Variants in MKNK2 observed in about 807,000 individuals in gnomAD.
The protein encoded by MKNK2 is MAPK interacting serine/threonine kinase 2.
MKNK2 carries 54 observed loss-of-function variants against 55.0 expected under a neutral mutation model. The observed-to-expected ratio is 0.98, with a 90% CI of 0.79 to 1.23. The LOEUF (loss-of-function observed/expected upper bound fraction) is 1.23. Among genes scored for constraint, MKNK2 ranks in the 50% most tolerant of loss-of-function variants. The pLI is 0.00. For missense variants in MKNK2, 685 were observed against 632.1 expected (o/e 1.08, Z -0.90); for synonymous variants, 323 against 256.0 (o/e 1.26, Z -2.50).
rs2016876212 is a variant in MKNK2, at chr19:2,041,287, CAACCAGGCCCTA to C, written c.946-95_946-84del. The C allele has an allele frequency of 9.5e-6, 14 of 1,467,832 alleles. No homozygotes were observed. The South Asian group carries it at 1.0e-4, about 11-fold the overall frequency. 90.9% of individuals were successfully genotyped at this position (1,467,832 alleles called of 1,614,324 possible). A position where few individuals can be genotyped will look rare whatever the true frequency, so the allele number is the denominator to read the frequency against. ...CTGACACGTGGCTCCAACCGGACCC[CAACCAGGCCCTA>C]GACCAGGCCCTAGACCACGCACGCC... On this transcript the variant is annotated intron_variant, in intron 11 of 13. Coordinates refer to ENST00000250896, the MANE Select transcript of MKNK2 (RefSeq NM_199054.3).
intron 4 of MKNK2, 22 bp from the exon 5 acceptor site, chr19:2,046,305 G>A (rs199935776): frequency 2.2e-5 from 36 of 1,603,160 alleles, no homozygotes; most frequent in Admixed American, 5.0e-5. Flanking sequence ...CGGGGCGGGC[G>A]TGAGAGGGAC....
At chr19:2,045,005 C>T (rs1004696454) in intron 5 of MKNK2, among the ~76,000 whole-genome samples, 9 of 152,280 alleles carry the variant, frequency 5.9e-5, no homozygotes, top group South Asian at 4.1e-4. Flanking sequence ...CCCCATAGAA[C>T]GAAACAACGC....
At position 2,050,864 on chromosome 19, in the gene MKNK2, C is replaced by A. The variant is rs1488642634; in HGVS notation, c.-13G>T. The A allele has an allele frequency of 1.3e-6, 2 of 1,516,244 alleles. No homozygotes were observed. The highest frequency in any genetic ancestry group is 4.2e-5 in the Admixed American group (2 of 47,534). 93.9% of individuals were successfully genotyped at this position (1,516,244 alleles called of 1,614,324 possible). On this transcript the variant is annotated 5_prime_UTR_variant, in exon 2 of 14. Coordinates refer to ENST00000250896, the MANE Select transcript of MKNK2 (RefSeq NM_199054.3). The stretch of plus-strand genomic sequence containing the variant: ...TCTTCTGCACCATCTTCTGTCCGGG[C>A]CCCGCCAGCGGGGGAGGGGACCGAG...
chr19:2,041,399 G>T (rs2016879090), intron 11 of MKNK2, among the ~76,000 whole-genome samples, 195 bp from the exon 12 acceptor site: 1 of 152,040 alleles, frequency 6.6e-6, no homozygotes, highest in South Asian at 2.1e-4. Flanking sequence ...CAAAAAAGCA[G>T]CTCTGAGGGA....
chr19:2,050,983 C>T, intron 1 of MKNK2, 36 bp from the exon 2 acceptor site: 2 of 517,358 alleles, frequency 3.9e-6, no homozygotes, highest in Non-Finnish European at 6.3e-6. Flanking sequence ...GGGCGGTGAG[C>T]GGAGCCCGGC....
intron 2 of MKNK2, among the ~76,000 whole-genome samples, chr19:2,049,753 G>A (rs939004773): frequency 1.3e-5 from 2 of 152,172 alleles, no homozygotes; most frequent in African/African-American, 4.8e-5. Context: ...CACTCTGATG[G>A]TGCCAGGCCT....
chr19:2,043,144 A>G lies in MKNK2; in HGVS notation c.473T>C (p.Val158Ala). Residue 158 changes from valine (V) to alanine (A), a missense_variant, in exon 7 of 14, where the codon GTG (valine) becomes GCG (alanine). Val to Ala is a moderately conservative substitution (Grantham distance 64, BLOSUM62 0). Coordinates refer to ENST00000250896, the MANE Select transcript of MKNK2 (RefSeq NM_199054.3). ...GGTACCTCCCCGCATCTTCTCAAAC[A>G]CCAGGTAGAAGCGGTCCTCCTCCTC... ...FFEEEDRFYLVFEKMRGGSIL... is the reference protein window; with the variant it reads ...FFEEEDRFYLAFEKMRGGSIL... The G allele has an allele frequency of 6.2e-7, 1 of 1,611,154 alleles. No homozygotes were observed. Among genetic ancestry groups the G allele is most frequent in the South Asian group, 1.1e-5 (1 of 90,964 alleles).
chr19:2,048,276 T>C (rs1173471190), intron 2 of MKNK2, among the ~76,000 whole-genome samples: 3 of 152,100 alleles, frequency 2.0e-5, no homozygotes, highest in African/African-American at 7.2e-5. Context: ...AGCAAGACCC[T>C]GACCAGGGTG....
rs768282646 is a variant in MKNK2 at position 2,043,197 on chromosome 19, C to A, written c.420G>T (p.Arg140Ser). Residue 140 changes from arginine to serine, a missense_variant and splice_region_variant, in exon 7 of 14, where the codon AGG becomes AGT. Physicochemically the swap from Arg to Ser is moderately radical, Grantham distance 110. Coordinates refer to ENST00000250896, the MANE Select transcript of MKNK2 (RefSeq NM_199054.3). ...AGAACTCAATCAGCTCTAGGACGTT[C>A]CTGGGGTGGGGGTGGGGGCAGGAGA... The part of the protein sequence containing the change: ...VEMLYQCQGH[R>S]NVLELIEFFE... The A allele has an allele frequency of 1.2e-5, 13 of 1,063,382 alleles. No homozygotes were observed. The highest frequency in any genetic ancestry group is 1.6e-5 in the Non-Finnish European group (11 of 678,010). 65.9% of individuals were successfully genotyped at this position (1,063,382 alleles called of 1,614,324 possible). A position where few individuals can be genotyped will look rare whatever the true frequency, so the allele number is the denominator to read the frequency against.
At chr19:2,045,318 G>A (rs1307031583) in intron 5 of MKNK2, among the ~76,000 whole-genome samples, 1 of 152,154 alleles carries the variant, frequency 6.6e-6, no homozygotes, top group African/African-American at 2.4e-5. Flanking sequence ...AAGCAAGGCT[G>A]GGCCACCAGG....
At chr19:2,041,769 G>T in intron 11 of MKNK2, 71 bp downstream of exon 11, 1 of 1,317,716 alleles carries the variant, frequency 7.6e-7, no homozygotes, top group Non-Finnish European at 1.0e-6. Context: ...GTCCCCTGGG[G>T]TTAGGGGGTG....
intron 12 of MKNK2, 57 bp downstream of exon 12, chr19:2,040,983 G>C (rs1422729211): frequency 6.4e-7 from 1 of 1,572,476 alleles, no homozygotes; most frequent in Admixed American, 1.7e-5. Flanking sequence ...TGCTCGCTCT[G>C]AGGCCACCCT....
rs2016814057 is a variant in MKNK2 at position 2,038,976 on chromosome 19, A to G, written c.*637T>C. On this transcript the variant is annotated 3_prime_UTR_variant, in exon 14 of 14. Coordinates refer to ENST00000250896, the MANE Select transcript of MKNK2 (RefSeq NM_199054.3). ...TTGCAGGAAGCCCCGATTGTCAACT[A>G]TCATGGGGACAAGGCAGGCGCGGGT... 6 of 985,558 alleles carry G rather than the reference A, an allele frequency of 6.1e-6. No individual in the cohort carries two copies. The highest frequency in any genetic ancestry group is 6.0e-6 in the Non-Finnish European group (5 of 830,004). The allele number at this position is 985,558 out of a possible 1,614,324, so 61.1% of individuals were successfully genotyped here.
rs1242077925 is a variant in MKNK2 at position 2,046,420 on chromosome 19, C to A, written c.188G>T (p.Gly63Val). The part of the protein sequence containing the change: ...PIDIPDAKKR[G>V]KKKKRGRATD... ...GGCCCGGCCGCGCTTCTTCTTCTTGCCCCTCTTCTTGGCGTCCGGGATGTC... is the reference window on the plus strand; with the variant it reads ...GGCCCGGCCGCGCTTCTTCTTCTTGACCCTCTTCTTGGCGTCCGGGATGTC... Residue 63 changes from glycine to valine, a missense_variant, in exon 4 of 14, where the codon GGC becomes GTC. Coordinates refer to ENST00000250896, the MANE Select transcript of MKNK2 (RefSeq NM_199054.3). 1 of 1,609,412 alleles carries A rather than the reference C, an allele frequency of 6.2e-7. No homozygotes were observed. Among genetic ancestry groups the A allele is most frequent in the African/African-American group, 1.3e-5 (1 of 74,922 alleles).
At chr19:2,041,255 C>T (rs764010111) in intron 11 of MKNK2, 51 bp from the exon 12 acceptor site, 4 of 1,566,660 alleles carry the variant, frequency 2.6e-6, no homozygotes, top group Non-Finnish European at 3.5e-6. Context: ...GGCCTGGATA[C>T]TGTGCACTGA....
intron 12 of MKNK2, 151 bp downstream of exon 12, chr19:2,040,889 G>A (rs1410672421): frequency 5.1e-6 from 4 of 780,760 alleles, no homozygotes; most frequent in African/African-American, 1.8e-5. Context: ...GATTTCGGCT[G>A]CACCCCTCAT....
Position 2,046,698 on chromosome 19 carries a change from G to GGGAGA in MKNK2, c.52-12_52-8dup, listed in dbSNP as rs775721766. 1.9e-5 allele frequency: 29 copies of GGGAGA among 1,511,096 alleles called. No homozygotes were observed. The highest frequency in any genetic ancestry group is 1.7e-4 in the Middle Eastern group (1 of 5,800). 93.6% of individuals were successfully genotyped at this position (1,511,096 alleles called of 1,614,324 possible). A position where few individuals can be genotyped will look rare whatever the true frequency, so the allele number is the denominator to read the frequency against. Reference sequence around the variant, plus strand: ...GCTCGAAGGGGTTCTGCCCCTGCAGGGGAGAGGAGAGGAGAGGCACTCAGG... The same window carrying GGGAGA: ...GCTCGAAGGGGTTCTGCCCCTGCAGGGGAGAGGAGAGGAGAGGAGAGGCACTCAGG... On this transcript the variant is annotated splice_polypyrimidine_tract_variant and splice_region_variant and intron_variant, in intron 2 of 13. Coordinates refer to ENST00000250896, the MANE Select transcript of MKNK2 (RefSeq NM_199054.3).
At chr19:2,046,712 G>T in intron 2 of MKNK2, 21 bp from the exon 3 acceptor site, 1 of 1,494,642 alleles carries the variant, frequency 6.7e-7, no homozygotes, top group South Asian at 1.3e-5. Context: ...GAGGAGAGGA[G>T]AGGCACTCAG....
At chr19:2,050,414 T>C (rs569103209) in intron 2 of MKNK2, among the ~76,000 whole-genome samples, 1 of 152,274 alleles carries the variant, frequency 6.6e-6, no homozygotes, top group South Asian at 2.1e-4. Flanking sequence ...AGCTGGAGCT[T>C]GCAGGGGACA....
Sources: gnomAD v4.1 joint callset for allele counts (sites outside exome capture counted in the v4.1 genomes callset) on GRCh38, gnomAD v4.1.1 for gene constraint, MANE v1.5 for transcripts, NCBI Gene and HGNC (gene_info 2026-07-23, HGNC 2026-07-21) for gene names.